Variants in CPA6 observed in about 807,000 individuals in gnomAD.
CPA6 encodes the protein carboxypeptidase B.
A neutral mutation model predicts 63.3 loss-of-function variants in CPA6; 58 were observed. That is an observed-to-expected ratio of 0.92 (90% CI 0.74 to 1.14). CPA6 has a LOEUF of 1.14. CPA6 is among the 50% of genes most tolerant of loss of function. The pLI, the probability that CPA6 is intolerant of heterozygous loss-of-function variation, is 0.00. For missense variants in CPA6, 565 were observed against 526.6 expected (o/e 1.07, Z -0.71); for synonymous variants, 185 against 179.0 (o/e 1.03, Z -0.27).
chr8:67,488,311 T>A lies in CPA6; in HGVS notation c.637-3522A>T, dbSNP rs1244021796. ...CCAGCACCATTTATTAAACAGGGAA[T>A]CCTTTCCCCATTGCTTGTTTTTGTC... On this transcript the variant is annotated intron_variant, in intron 6 of 10. Coordinates refer to ENST00000297770, the MANE Select transcript of CPA6 (RefSeq NM_020361.5). 2.6e-5 allele frequency among the ~76,000 whole-genome samples: 4 copies of A among 152,232 alleles called. No homozygotes were observed. The East Asian group carries it at 7.7e-4, about 29-fold the overall frequency.
chr8:67,425,899 C>CTT (rs910164836), intron 10 of CPA6, among the ~76,000 whole-genome samples: 6 of 138,094 alleles, frequency 4.3e-5, no homozygotes, highest in Admixed American at 7.3e-5. Context: ...TTTTTCTTTT[C>CTT]TTTTTTTTTT....
intron 8 of CPA6, among the ~76,000 whole-genome samples, chr8:67,454,596 A>C (rs994200116): frequency 3.3e-5 from 5 of 152,356 alleles, no homozygotes; most frequent in African/African-American, 1.2e-4. Flanking sequence ...AAAAGTTATT[A>C]GTTTTCCCTT....
rs371390288 is a variant in CPA6, at chr8:67,716,285, A to G, written c.116+29729T>C. Among the ~76,000 whole-genome samples, 7 of 152,126 alleles carry G rather than the reference A, an allele frequency of 4.6e-5. No individual in the cohort carries two copies. In the East Asian group the frequency reaches 1.2e-3, roughly 25 times the overall value. ...ATAGGTTGCATTCCCAGGAGGTTAG[A>G]CATTCTAAGTCACAGAATGAGATAG... On this transcript the variant is annotated intron_variant, in intron 1 of 10. Coordinates refer to ENST00000297770, the MANE Select transcript of CPA6 (RefSeq NM_020361.5).
At chr8:67,609,890 C>T (rs1266676624) in intron 2 of CPA6, among the ~76,000 whole-genome samples, 1 of 152,100 alleles carries the variant, frequency 6.6e-6, no homozygotes, top group Non-Finnish European at 1.5e-5. Flanking sequence ...GGCATGGTGG[C>T]TTGTGCCTGT....
chr8:67,575,396 A>T (rs901117480), intron 2 of CPA6, among the ~76,000 whole-genome samples: 7 of 152,224 alleles, frequency 4.6e-5, no homozygotes, highest in African/African-American at 1.7e-4. Flanking sequence ...TGTTTCTCTG[A>T]AATATTTAAA....
chr8:67,516,617 C>T (rs1205858901), intron 3 of CPA6, among the ~76,000 whole-genome samples: 1 of 152,240 alleles, frequency 6.6e-6, no homozygotes, highest in Admixed American at 6.5e-5. Context: ...TCTTCTAATG[C>T]AAACATTCTA....
chr8:67,444,279 C>T (rs369522529), intron 8 of CPA6, among the ~76,000 whole-genome samples: 19 of 152,038 alleles, frequency 1.2e-4, no homozygotes, highest in African/African-American at 4.3e-4. Context: ...TGAGCCACCG[C>T]GCCGGGACGA....
At chr8:67,558,797 T>C (rs1445987192) in intron 2 of CPA6, among the ~76,000 whole-genome samples, 2 of 152,208 alleles carry the variant, frequency 1.3e-5, no homozygotes, top group Non-Finnish European at 2.9e-5. Flanking sequence ...TGCAGGATTA[T>C]GGCTCTTCGT....
intron 1 of CPA6, among the ~76,000 whole-genome samples, chr8:67,664,356 G>A (rs1038861230): frequency 1.3e-5 from 2 of 152,110 alleles, no homozygotes; most frequent in African/African-American, 4.8e-5. Context: ...ACAAATAAAG[G>A]CAATAAGATG....
At chr8:67,701,411 A>G (rs1319772077) in intron 1 of CPA6, among the ~76,000 whole-genome samples, 1 of 152,220 alleles carries the variant, frequency 6.6e-6, no homozygotes, top group Non-Finnish European at 1.5e-5. Flanking sequence ...TTAAATCTGA[A>G]TTATTACTAG....
intron 2 of CPA6, among the ~76,000 whole-genome samples, chr8:67,614,323 G>T (rs941006267): frequency 2.0e-5 from 3 of 152,242 alleles, no homozygotes; most frequent in Non-Finnish European, 4.4e-5. Context: ...CTGCAAGGGG[G>T]ATCAGGGAAC....
intron 8 of CPA6, among the ~76,000 whole-genome samples, chr8:67,470,708 T>C (rs2128958918): frequency 6.6e-6 from 1 of 152,316 alleles, no homozygotes; most frequent in East Asian, 1.9e-4. Context: ...TACTTTTTTT[T>C]CACATGGTTG....
intron 2 of CPA6, among the ~76,000 whole-genome samples, chr8:67,610,341 C>T (rs541080708): frequency 6.6e-6 from 1 of 152,086 alleles, no homozygotes; most frequent in South Asian, 2.1e-4. Context: ...ATTCCAGACT[C>T]CAGCTTGGGT....
intron 1 of CPA6, among the ~76,000 whole-genome samples, chr8:67,725,983 CT>C (rs1480525985): frequency 7.9e-5 from 12 of 152,094 alleles, no homozygotes; most frequent in Admixed American, 5.9e-4. Context: ...CAGATTTGCG[CT>C]ATGATCTGTC....
At chr8:67,648,957 T>C (rs1815775703) in intron 1 of CPA6, among the ~76,000 whole-genome samples, 1 of 152,058 alleles carries the variant, frequency 6.6e-6, no homozygotes, top group Non-Finnish European at 1.5e-5. Context: ...GATTTTAGTT[T>C]GGTTTGGGGA....
intron 3 of CPA6, 87 bp from the exon 4 acceptor site, chr8:67,511,742 T>G (rs1011989550): frequency 2.6e-6 from 2 of 761,366 alleles, no homozygotes; most frequent in Admixed American, 3.9e-5. Flanking sequence ...TATGCATCTA[T>G]GTAAAGAAAG....
intron 2 of CPA6, among the ~76,000 whole-genome samples, chr8:67,527,920 C>T (rs1040499737): frequency 6.6e-6 from 1 of 152,156 alleles, no homozygotes; most frequent in Admixed American, 6.5e-5. Flanking sequence ...TTGATCAAGC[C>T]GCTGAATCAT....
At chr8:67,704,085 C>G (rs188193691) in intron 1 of CPA6, among the ~76,000 whole-genome samples, 14 of 152,310 alleles carry the variant, frequency 9.2e-5, no homozygotes, top group South Asian at 4.1e-4. Flanking sequence ...ATAAACATTG[C>G]CCTCTCAAAT....
At position 67,454,460 on chromosome 8, in the gene CPA6, C is replaced by T. The variant is rs538367916; in HGVS notation, c.839-20220G>A. On this transcript the variant is annotated intron_variant, in intron 8 of 10. Transcript: ENST00000297770. ...AGAGCAGAAGGCTACAGCATTAGGACATAGCATTTCAAGGGAACAAGCAAA... is the reference window on the plus strand; with the variant it reads ...AGAGCAGAAGGCTACAGCATTAGGATATAGCATTTCAAGGGAACAAGCAAA... Among the ~76,000 whole-genome samples the T allele has an allele frequency of 5.3e-5, 8 of 152,212 alleles. No homozygotes were observed. The South Asian group carries it at 1.5e-3, about 28-fold the overall frequency.
Sources: allele counts gnomAD v4.1 joint callset (sites outside exome capture counted in the v4.1 genomes callset), GRCh38; gene constraint gnomAD v4.1.1; transcripts MANE v1.5; gene names NCBI Gene and HGNC (gene_info 2026-07-23, HGNC 2026-07-21).